The following BTBD9 variants were observed in gnomAD, a reference collection of about 807,000 sequenced individuals.
BTBD9 encodes BTB/POZ domain-containing protein 9.
BTBD9 carries 49 observed loss-of-function variants against 64.3 expected under a neutral mutation model. The ratio of observed to expected loss-of-function variants is 0.76; its 90% CI spans 0.61 to 0.97. BTBD9 has a LOEUF of 0.97. BTBD9 is among the 50% of genes least tolerant of loss of function. The probability of loss-of-function intolerance (pLI) is 0.00; values close to 1 mark genes in which losing one functional copy is unlikely to be tolerated. For missense variants in BTBD9, 598 were observed against 762.1 expected (o/e 0.78, Z 2.53); for synonymous variants, 260 against 274.7 (o/e 0.95, Z 0.53).
At chr6:38,368,635 T>C (rs1286003575) in intron 6 of BTBD9, among the ~76,000 whole-genome samples, 1 of 152,140 alleles carries the variant, frequency 6.6e-6, no homozygotes, top group East Asian at 1.9e-4. Flanking sequence ...GCCCGGCCTT[T>C]ACCTTTTTTT....
intron 6 of BTBD9, among the ~76,000 whole-genome samples, chr6:38,508,873 C>A (rs1453449436): frequency 1.3e-5 from 2 of 152,088 alleles, no homozygotes; most frequent in East Asian, 3.9e-4. Flanking sequence ...CCTCCATCAA[C>A]CGTAACCTTC....
chr6:38,468,138 C>T (rs528124094), intron 6 of BTBD9, among the ~76,000 whole-genome samples: 2 of 152,246 alleles, frequency 1.3e-5, no homozygotes, highest in African/African-American at 4.8e-5. Flanking sequence ...CTTGGCTTCC[C>T]GAAGTGCTGA....
intron 6 of BTBD9, among the ~76,000 whole-genome samples, chr6:38,443,461 TCTG>T (rs1769132951): frequency 6.6e-6 from 1 of 152,174 alleles, no homozygotes; most frequent in Non-Finnish European, 1.5e-5. Context: ...TTCCCCTTAT[TCTG>T]GCATATCAAC....
intron 7 of BTBD9, among the ~76,000 whole-genome samples, chr6:38,337,364 C>G (rs946666656): frequency 6.6e-6 from 1 of 152,196 alleles, no homozygotes; most frequent in Non-Finnish European, 1.5e-5. Flanking sequence ...GTTACAATCT[C>G]AAAATAGTTT....
At chr6:38,317,231 G>A (rs1339684619) in intron 7 of BTBD9, among the ~76,000 whole-genome samples, 2 of 151,930 alleles carry the variant, frequency 1.3e-5, no homozygotes, top group African/African-American at 2.4e-5. Flanking sequence ...TCCTGACCTC[G>A]TGATCTACCA....
intron 7 of BTBD9, among the ~76,000 whole-genome samples, chr6:38,320,304 G>C (rs1327219058): frequency 6.6e-6 from 1 of 152,140 alleles, no homozygotes; most frequent in Admixed American, 6.5e-5. Flanking sequence ...TGGTGTTCCT[G>C]GGGGGAGGAT....
chr6:38,243,458 A>T (rs1764078157), intron 9 of BTBD9, among the ~76,000 whole-genome samples: 1 of 152,220 alleles, frequency 6.6e-6, no homozygotes. Context: ...AGAGTATAGA[A>T]ATTCTCTGCA....
rs1033183508 is a variant in BTBD9, at chr6:38,577,591, A to G, written c.1154+9T>C. On this transcript the variant is annotated intron_variant, in intron 6 of 10. Transcript: ENST00000481247. The stretch of plus-strand genomic sequence containing the variant: ...AATAAAAATCATTTATTAACCACTG[A>G]AAACTAACCTGCAGACACGGGCTGG... The G allele has an allele frequency of 2.5e-6, 4 of 1,594,932 alleles. No homozygotes were observed. In the African/African-American group the frequency reaches 5.4e-5, roughly 22 times the overall value.
intron 6 of BTBD9, among the ~76,000 whole-genome samples, chr6:38,385,888 G>A (rs573480175): frequency 1.4e-5 from 2 of 148,092 alleles, no homozygotes; most frequent in East Asian, 2.0e-4. Context: ...TCCACCTCTC[G>A]AGTCCAAGCA....
intron 6 of BTBD9, among the ~76,000 whole-genome samples, chr6:38,485,535 C>T (rs1771356350): frequency 6.6e-6 from 1 of 152,188 alleles, no homozygotes. Context: ...TGTACAGCTC[C>T]ATCATAGCTC....
chr6:38,339,592 A>C (rs1764026352), intron 7 of BTBD9, among the ~76,000 whole-genome samples: 1 of 152,234 alleles, frequency 6.6e-6, no homozygotes, highest in Non-Finnish European at 1.5e-5. Context: ...ATATAAATTC[A>C]GAAATAAATA....
intron 6 of BTBD9, among the ~76,000 whole-genome samples, chr6:38,469,360 C>T (rs571037271): frequency 1.3e-5 from 2 of 150,212 alleles, no homozygotes; most frequent in East Asian, 3.9e-4. Flanking sequence ...GCTCTGTCGC[C>T]CAGGCTGGAG....
intron 6 of BTBD9, among the ~76,000 whole-genome samples, chr6:38,424,711 T>C (rs1280401738): frequency 6.6e-6 from 1 of 151,694 alleles, no homozygotes; most frequent in Non-Finnish European, 1.5e-5. Context: ...GAGACAGGGT[T>C]TCACCATGTT....
At position 38,192,534 on chromosome 6, in the gene BTBD9, G is replaced by C; in HGVS notation, c.1626C>G (p.His542Gln). The C allele has an allele frequency of 6.2e-7, 1 of 1,613,824 alleles. No homozygotes were observed. Among genetic ancestry groups the C allele is most frequent in the Non-Finnish European group, 8.5e-7 (1 of 1,179,852 alleles). ...PASFIRIVGT[H>Q]NTANEVFHCV... ...AGACCCTTACCTCATTTGCTGTGTT[G>C]TGTGTCCCAACGATACGGATGAAGG... Residue 542 changes from histidine (H) to glutamine (Q), a missense_variant, in exon 10 of 11, where the codon CAC becomes CAG. Physicochemically the swap from His to Gln is conservative, Grantham distance 24. Transcript: ENST00000481247.
At chr6:38,361,874 A>AC (rs1335790035) in intron 6 of BTBD9, among the ~76,000 whole-genome samples, 2 of 151,582 alleles carry the variant, frequency 1.3e-5, no homozygotes. Context: ...ACAGGAAAAA[A>AC]AAAAAACAAA....
At chr6:38,266,115 C>T (rs1764963497) in intron 8 of BTBD9, among the ~76,000 whole-genome samples, 1 of 152,220 alleles carries the variant, frequency 6.6e-6, no homozygotes, top group Non-Finnish European at 1.5e-5. Context: ...CAACGCAAAT[C>T]TATTTTCCTA....
chr6:38,202,741 T>C (rs1465372351), intron 9 of BTBD9, among the ~76,000 whole-genome samples: 2 of 152,144 alleles, frequency 1.3e-5, no homozygotes, highest in Non-Finnish European at 2.9e-5. Flanking sequence ...TCTCATCATA[T>C]ACAAAAATCA....
rs374052784 is a variant in BTBD9 at position 38,577,719 on chromosome 6, C to G, written c.1035G>C (p.Arg345=). The change falls in exon 6 of 11, where the codon CGG becomes CGC. Residue 345 remains arginine (R), a splice_region_variant and synonymous_variant. Transcript: ENST00000481247. ...IRILLWDRDS[R]SYSYFIEVSM... ...ACACTTCAATGAAGTATGAGTAAGACCTGTGAATCAAAAGGAAAAAGCAGA... is the reference window on the plus strand; with the variant it reads ...ACACTTCAATGAAGTATGAGTAAGAGCTGTGAATCAAAAGGAAAAAGCAGA... 52 of 1,601,440 alleles carry G rather than the reference C, an allele frequency of 3.2e-5. No homozygotes were observed. In the African/African-American group the frequency reaches 5.7e-4, roughly 17 times the overall value.
chr6:38,206,043 G>C (rs1356878602), intron 9 of BTBD9, among the ~76,000 whole-genome samples: 2 of 151,998 alleles, frequency 1.3e-5, no homozygotes, highest in Admixed American at 6.6e-5. Context: ...AGACTGCAGA[G>C]GGAAGGCGGG....
Sources: allele counts gnomAD v4.1 joint callset (sites outside exome capture counted in the v4.1 genomes callset), GRCh38; gene constraint gnomAD v4.1.1; transcripts MANE v1.5; gene names NCBI Gene and HGNC (gene_info 2026-07-23, HGNC 2026-07-21).